The following PSD4 variants were observed in gnomAD, a reference collection of about 807,000 sequenced individuals.
PSD4 encodes the protein PH and SEC7 domain-containing protein 4.
In PSD4, 59 loss-of-function variants were observed where a neutral mutation model predicts 112.5. The observed-to-expected ratio is 0.52, with a 90% CI of 0.43 to 0.65. The LOEUF (loss-of-function observed/expected upper bound fraction) is 0.65. Among genes scored for constraint, PSD4 ranks in the 30% least tolerant of loss-of-function variants. PSD4 has a pLI of 0.00. For synonymous variants in PSD4, 533 were observed against 540.0 expected, an observed-to-expected ratio of 0.99 and a Z score of 0.18; for missense variants, 1,267 against 1,352.6, an observed-to-expected ratio of 0.94 and a Z score of 0.99.
chr2:113,177,542 T>G (rs548385857), intron 1 of PSD4, among the ~76,000 whole-genome samples: 65 of 152,166 alleles, frequency 4.3e-4, no homozygotes, highest in Non-Finnish European at 8.7e-4. Context: ...TAACCTGGGT[T>G]CGCACACCAG....
At chr2:113,200,059 C>T (rs183334026) in intron 16 of PSD4, among the ~76,000 whole-genome samples, 16 of 152,282 alleles carry the variant, frequency 1.1e-4, no homozygotes, top group Admixed American at 1.0e-3. Flanking sequence ...CTCCTGGCCT[C>T]AAGTGGTCTG....
chr2:113,177,189 G>C (rs1169534010), intron 1 of PSD4, among the ~76,000 whole-genome samples: 1 of 152,204 alleles, frequency 6.6e-6, no homozygotes. Flanking sequence ...GGACTTCCTG[G>C]AGAGGGGAGG....
chr2:113,201,752 G>A lies in PSD4; in HGVS notation c.*337G>A. The A allele has an allele frequency of 2.9e-6, 1 of 338,984 alleles. No homozygotes were observed. Among genetic ancestry groups the A allele is most frequent in the Non-Finnish European group, 5.5e-6 (1 of 180,210 alleles). The allele number at this position is 338,984 out of a possible 1,614,324, so 21.0% of individuals were successfully genotyped here. On this transcript the variant is annotated 3_prime_UTR_variant, in exon 17 of 17. Transcript: ENST00000245796. Reference sequence around the variant, plus strand: ...GAATCCAGAGTGGCCTCATTTCCTAGACTTGCTGAGAACTCAGCACTTGTT... The same window carrying A: ...GAATCCAGAGTGGCCTCATTTCCTAAACTTGCTGAGAACTCAGCACTTGTT...
intron 10 of PSD4, 51 bp downstream of exon 10, chr2:113,193,999 G>A: frequency 6.4e-7 from 1 of 1,564,996 alleles, no homozygotes; most frequent in Non-Finnish European, 8.7e-7. Context: ...CTGGAGCCTT[G>A]GTTCTTTGTT....
rs1186828396 is a variant in PSD4 at position 113,193,573 on chromosome 2, T to C, written c.2033-19T>C. On this transcript the variant is annotated intron_variant, in intron 8 of 16. Transcript: ENST00000245796. ...TGGTTCCAATGAGCTTTCTCTCCAC[T>C]TACCTATCTCTGGGGTAGATTCTGT... The C allele has an allele frequency of 6.2e-7, 1 of 1,609,608 alleles. No individual in the cohort carries two copies. The highest frequency in any genetic ancestry group is 8.5e-7 in the Non-Finnish European group (1 of 1,175,974).
chr2:113,178,746 A>G (rs561167244), intron 1 of PSD4, among the ~76,000 whole-genome samples: 1 of 152,060 alleles, frequency 6.6e-6, no homozygotes, highest in Non-Finnish European at 1.5e-5. Flanking sequence ...ATCCTGGCAA[A>G]ATGCTCTGGG....
intron 9 of PSD4, 49 bp from the exon 10 acceptor site, chr2:113,193,810 A>T (rs1451995431): frequency 6.3e-7 from 1 of 1,591,072 alleles, no homozygotes; most frequent in East Asian, 2.2e-5. Context: ...AGGTTATTCT[A>T]TTGGGATGGG....
chr2:113,201,086 C>G, intron 16 of PSD4, 72 bp from the exon 17 acceptor site: 1 of 1,534,350 alleles, frequency 6.5e-7, no homozygotes, highest in South Asian at 1.3e-5. Flanking sequence ...TGTGAGCTGT[C>G]CCTCACGATT....
At position 113,207,586 on chromosome 2, in the gene PSD4, A is replaced by G. The variant is rs1242733801; in HGVS notation, c.*6171A>G. ...ATTCTCCTGCCTCAGCCTCCCGAGTAGCTGGGACTACAGGCGCCCGCTACC... is the reference window on the plus strand; with the variant it reads ...ATTCTCCTGCCTCAGCCTCCCGAGTGGCTGGGACTACAGGCGCCCGCTACC... On this transcript the variant is annotated 3_prime_UTR_variant, in exon 17 of 17. Coordinates refer to ENST00000245796, the MANE Select transcript of PSD4 (RefSeq NM_012455.3). The G allele has an allele frequency of 3.3e-5, 5 of 150,534 alleles. No individual in the cohort carries two copies. In the East Asian group the frequency reaches 9.9e-4, roughly 30 times the overall value. 9.3% of individuals were successfully genotyped at this position (150,534 alleles called of 1,614,324 possible). A position where few individuals can be genotyped will look rare whatever the true frequency, so the allele number is the denominator to read the frequency against.
chr2:113,199,116 G>C lies in PSD4; in HGVS notation c.2803G>C (p.Asp935His). The C allele has an allele frequency of 6.5e-7, 1 of 1,531,770 alleles. No homozygotes were observed. Among genetic ancestry groups the C allele is most frequent in the Non-Finnish European group, 8.8e-7 (1 of 1,141,238 alleles). The allele number at this position is 1,531,770 out of a possible 1,614,324, so 94.9% of individuals were successfully genotyped here. ...EQHRSHENCL[D>H]AAADDLLDLQ... ...GCATCGATCCCACGAGAACTGCCTGGACGCTGCCGCGGACGACCTGCTGGA... is the reference window on the plus strand; with the variant it reads ...GCATCGATCCCACGAGAACTGCCTGCACGCTGCCGCGGACGACCTGCTGGA... Residue 935 changes from aspartate (D) to histidine (H), a missense_variant, in exon 16 of 17, where the codon GAC (aspartate) becomes CAC (histidine). Around this residue, in one of 2 missense-constraint regions of PSD4, gnomAD observed 544 missense variants for 648.6 expected, o/e 0.84. Transcript: ENST00000245796.
rs1202310012 is a variant in PSD4 at position 113,199,370 on chromosome 2, G to A, written c.2913+144G>A. 4.8e-6 allele frequency: 5 copies of A among 1,049,292 alleles called. No homozygotes were observed. The Admixed American group carries it at 2.2e-4, about 45-fold the overall frequency. The allele number at this position is 1,049,292 out of a possible 1,614,324, so 65.0% of individuals were successfully genotyped here. A position where few individuals can be genotyped will look rare whatever the true frequency, so the allele number is the denominator to read the frequency against. On this transcript the variant is annotated intron_variant, in intron 16 of 16. Transcript: ENST00000245796. ...CGTGCGGGCGGGGCCCGCGTGCGCC[G>A]TCTGCAAAGGGGCGGGGGCTCCCAC...
At chr2:113,184,078 C>G (rs895626422) in intron 2 of PSD4, among the ~76,000 whole-genome samples, 2 of 152,206 alleles carry the variant, frequency 1.3e-5, no homozygotes, top group African/African-American at 2.4e-5. Flanking sequence ...TTAATATCAA[C>G]TAAGGATGGG....
chr2:113,181,451 G>A (rs1287105294), intron 1 of PSD4, among the ~76,000 whole-genome samples: 1 of 152,200 alleles, frequency 6.6e-6, no homozygotes, highest in Admixed American at 6.5e-5. Context: ...GGATGGAAAT[G>A]CATGCTTCTA....
intron 5 of PSD4, among the ~76,000 whole-genome samples, chr2:113,188,565 A>ATTATT (rs1423844796): frequency 1.3e-3 from 201 of 151,556 alleles, no homozygotes; most frequent in African/African-American, 4.5e-3. Context: ...ACCTCACTTT[A>ATTATT]TTATTTTATT....
rs978878191 is a variant in PSD4, at chr2:113,196,590, G to A, written c.2386+283G>A. ...ATTAGACAAGTGTGTCAATGTCTGC[G>A]AAAAAAATGTAGCAAGAGCTGAGTG... On this transcript the variant is annotated intron_variant, in intron 12 of 16. Transcript: ENST00000245796. The A allele has an allele frequency of 1.8e-4, 61 of 341,278 alleles. 2 individuals carry two copies. In the East Asian group the frequency reaches 2.8e-3, roughly 16 times the overall value. The allele number at this position is 341,278 out of a possible 1,614,324, so 21.1% of individuals were successfully genotyped here.
chr2:113,177,451 T>C (rs4849163), intron 1 of PSD4, among the ~76,000 whole-genome samples: 52,066 of 152,044 alleles, frequency 0.34, 10,472 homozygotes, highest in East Asian at 0.63. Context: ...TACAGGAGTT[T>C]GAGTGACTCA....
Position 113,196,238 on chromosome 2 carries a change from C to A in PSD4, c.2317C>A (p.Pro773Thr), listed in dbSNP as rs1688606882. 1.9e-6 allele frequency: 3 copies of A among 1,613,992 alleles called. No individual in the cohort carries two copies. Among genetic ancestry groups the A allele is most frequent in the African/African-American group, 2.7e-5 (2 of 74,928 alleles). Reference sequence around the variant, plus strand: ...GCCCTTCCTTCAGCTGGCTCAGGATCCCACAGTGCCCACCTACAAGCAGGG... The same window carrying A: ...GCCCTTCCTTCAGCTGGCTCAGGATACCACAGTGCCCACCTACAAGCAGGG... ...SKPFLQLAQD[P>T]TVPTYKQGIL... The change falls in exon 12 of 17, where the codon CCC becomes ACC. Residue 773 changes from proline (P) to threonine (T), a missense_variant. Pro to Thr is a conservative substitution (Grantham distance 38). Coordinates refer to ENST00000245796, the MANE Select transcript of PSD4 (RefSeq NM_012455.3).
chr2:113,198,385 C>T (rs1404594621), intron 14 of PSD4, among the ~76,000 whole-genome samples: 1 of 152,250 alleles, frequency 6.6e-6, no homozygotes, highest in African/African-American at 2.4e-5. Flanking sequence ...GATTCTCATG[C>T]CTGAGCCTCC....
Position 113,205,688 on chromosome 2 carries a change from A to G in PSD4, c.*4273A>G, listed in dbSNP as rs1054713090. 1 of 152,208 alleles carries G rather than the reference A, an allele frequency of 6.6e-6. No homozygotes were observed. Among genetic ancestry groups the G allele is most frequent in the Non-Finnish European group, 1.5e-5 (1 of 68,046 alleles). 9.4% of individuals were successfully genotyped at this position (152,208 alleles called of 1,614,324 possible). A position where few individuals can be genotyped will look rare whatever the true frequency, so the allele number is the denominator to read the frequency against. ...TAAGGCCAATGGGTAGGGTCAGAAT[A>G]TGGCCTGCAAATGCACTGTACTATT... On this transcript the variant is annotated 3_prime_UTR_variant, in exon 17 of 17. Transcript: ENST00000245796.
Sources: allele counts gnomAD v4.1 joint callset (sites outside exome capture counted in the v4.1 genomes callset), GRCh38; gene constraint gnomAD v4.1.1; regional missense constraint gnomAD v4.1.1; transcripts MANE v1.5; gene names NCBI Gene and HGNC (gene_info 2026-07-23, HGNC 2026-07-21).